DDX5: variants seen among roughly 807,000 people sequenced by gnomAD.
DDX5 encodes the protein probable ATP-dependent RNA helicase DDX5.
In DDX5, 6 loss-of-function variants were observed where a neutral mutation model predicts 68.6. The ratio of observed to expected loss-of-function variants is 0.09; its 90% confidence interval spans 0.05 to 0.17. The LOEUF is 0.17. Among genes scored for constraint, DDX5 ranks in the 10% least tolerant of loss-of-function variants. The probability of loss-of-function intolerance (pLI) is 1.00; values close to 1 mark genes in which losing one functional copy is unlikely to be tolerated. For missense variants in DDX5, 499 were observed against 756.1 expected (o/e 0.66, Z 3.99); for synonymous variants, 350 against 247.0 (o/e 1.42, Z -3.91).
rs782241464 is a variant in DDX5, at chr17:64,499,926, T to C, written c.1842A>G (p.Gln614=). ...ATTTACATATACTTCTAAAGTCTTA[T>C]TGGGAATATCCTGTTGGCATTGGAT... ...IGYPMPTGYS[Q] The change falls in exon 13 of 13, where the codon CAA becomes CAG. Residue 614 remains glutamine, a synonymous_variant. Transcript: ENST00000225792. 6.5e-5 allele frequency: 104 copies of C among 1,589,698 alleles called. No homozygotes were observed. Among genetic ancestry groups the C allele is most frequent in the Admixed American group, 8.7e-5 (5 of 57,608 alleles).
rs1424664575 is a variant in DDX5, at chr17:64,503,689, G to C, written c.507+114C>G. 8 of 1,527,264 alleles carry C rather than the reference G, an allele frequency of 5.2e-6. No homozygotes were observed. In the African/African-American group the frequency reaches 1.1e-4, roughly 21 times the overall value. The allele number at this position is 1,527,264 out of a possible 1,614,324, so 94.6% of individuals were successfully genotyped here. ...TCCAATACCCAAAACAGCTCCAGCT[G>C]AATAGGGTGAGCTAACCTCTATATA... On this transcript the variant is annotated intron_variant, in intron 5 of 12. Coordinates refer to ENST00000225792, the MANE Select transcript of DDX5 (RefSeq NM_004396.5).
intron 8 of DDX5, 148 bp from the exon 9 acceptor site, chr17:64,502,697 C>T: frequency 8.3e-6 from 6 of 726,440 alleles, no homozygotes; most frequent in Non-Finnish European, 8.9e-6. Context: ...TCGAGCAGTT[C>T]GACCCTTGGT....
chr17:64,502,725 G>GA, intron 8 of DDX5, 176 bp from the exon 9 acceptor site: 2 of 713,010 alleles, frequency 2.8e-6, no homozygotes, highest in Non-Finnish European at 4.5e-6. Flanking sequence ...TCAACCAGGG[G>GA]ACACATGAAT....
In DDX5 at chr17:64,504,247, T is replaced by G. The variant is rs2038368748; in HGVS notation, c.282A>C (p.Leu94=). The part of the protein sequence containing the change: ...VRGHNCPKPV[L]NFYEANFPAN... Reference sequence around the variant, plus strand: ...CAGGGAAATTGGCTTCATAAAAATTTAGAACTGGCTTCGGGCAGTTGTGAC... The same window carrying G: ...CAGGGAAATTGGCTTCATAAAAATTGAGAACTGGCTTCGGGCAGTTGTGAC... Residue 94 remains leucine (L), a synonymous_variant, in exon 3 of 13, where the codon CTA becomes CTC. Coordinates refer to ENST00000225792, the MANE Select transcript of DDX5 (RefSeq NM_004396.5). The G allele has an allele frequency of 1.2e-6, 2 of 1,614,162 alleles. No homozygotes were observed. Among genetic ancestry groups the G allele is most frequent in the African/African-American group, 2.7e-5 (2 of 75,052 alleles).
intron 7 of DDX5, 22 bp from the exon 8 acceptor site, chr17:64,503,120 A>G: frequency 6.2e-7 from 1 of 1,611,384 alleles, no homozygotes; most frequent in African/African-American, 1.3e-5. Flanking sequence ...TGGGGGGAAA[A>G]ATTAGTATCA....
chr17:64,505,939 C>G, intron 1 of DDX5, 137 bp downstream of exon 1: 1 of 1,535,142 alleles, frequency 6.5e-7, no homozygotes, highest in Non-Finnish European at 8.7e-7. Flanking sequence ...CAAAATGGCG[C>G]AAGCCTTCGG....
intron 10 of DDX5, 41 bp downstream of exon 10, chr17:64,502,121 G>A: frequency 1.2e-6 from 2 of 1,613,698 alleles, no homozygotes; most frequent in Non-Finnish European, 1.7e-6. Context: ...ATTCTAGCTA[G>A]GTTAAGTAAG....
rs373141390 is a variant in DDX5, at chr17:64,500,664, G to A, written c.1326C>T (p.Tyr442=). ...TTATGTTATTAGGTGTAAAGAAAGT[G>A]TATGCTGTGCCTGTTTTGGTACTGC... is the stretch of plus-strand genomic sequence containing the variant. ...TARSTKTGTA[Y]TFFTPNNIKQ... is the part of the protein sequence containing the mutation. The change falls in exon 12 of 13, where the codon TAC becomes TAT. Residue 442 remains tyrosine (Y), a synonymous_variant. Coordinates refer to ENST00000225792, the MANE Select transcript of DDX5 (RefSeq NM_004396.5). The A allele has an allele frequency of 1.5e-4, 246 of 1,614,092 alleles. 3 individuals are homozygous for A. Among genetic ancestry groups the A allele is most frequent in the South Asian group, 6.4e-4 (58 of 91,092 alleles).
At chr17:64,504,864 T>C (rs782251495) in intron 1 of DDX5, 22 bp from the exon 2 acceptor site, 5 of 1,587,154 alleles carry the variant, frequency 3.2e-6, no homozygotes, top group South Asian at 2.3e-5. Flanking sequence ...AAAAACGTTA[T>C]TCACATTTTC....
chr17:64,506,462 T>A, upstream of DDX5: 1 of 1,232,798 alleles, frequency 8.1e-7, no homozygotes, highest in Non-Finnish European at 1.1e-6. Context: ...CTCTCTCAGG[T>A]CAGGGCCCAC....
At chr17:64,502,581 G>A in intron 8 of DDX5, 32 bp from the exon 9 acceptor site, 1 of 1,520,004 alleles carries the variant, frequency 6.6e-7, no homozygotes, top group Non-Finnish European at 9.1e-7. Context: ...GAAAAATCCT[G>A]AGTTTTAAAA....
At chr17:64,501,006 A>G (rs1310070695) in intron 11 of DDX5, 3 of 565,936 alleles carry the variant, frequency 5.3e-6, no homozygotes, top group Non-Finnish European at 9.4e-6. Flanking sequence ...GACCCTGTCA[A>G]AAGGAATGTG....
At chr17:64,506,608 CAA>C, upstream of DDX5, 1 of 395,258 alleles carries the variant, frequency 2.5e-6, no homozygotes, top group South Asian at 2.8e-5. Flanking sequence ...TTTACGTCTC[CAA>C]AGAGCCCTCA....
chr17:64,505,481 T>C (rs1310903420), intron 1 of DDX5: 1 of 564,050 alleles, frequency 1.8e-6, no homozygotes, highest in Non-Finnish European at 3.2e-6. Context: ...CCGGGCGGCG[T>C]TCCCGCTGGG....
chr17:64,504,606 C>T lies in DDX5; in HGVS notation c.210+71G>A, dbSNP rs1008996893. ...CCAAAATTGAGTTATTTGCAAAACACCTGTCAGAATTTCATTTACTAGAAT... is the reference window on the plus strand; with the variant it reads ...CCAAAATTGAGTTATTTGCAAAACATCTGTCAGAATTTCATTTACTAGAAT... On this transcript the variant is annotated intron_variant, in intron 2 of 12. Transcript: ENST00000225792. 5 of 1,500,384 alleles carry T rather than the reference C, an allele frequency of 3.3e-6. No individual in the cohort carries two copies. The African/African-American group carries it at 4.2e-5, about 13-fold the overall frequency. 92.9% of individuals were successfully genotyped at this position (1,500,384 alleles called of 1,614,324 possible). A position where few individuals can be genotyped will look rare whatever the true frequency, so the allele number is the denominator to read the frequency against.
rs1434256028 is a variant in DDX5 at position 64,499,602 on chromosome 17, A to G, written c.*321T>C. On this transcript the variant is annotated 3_prime_UTR_variant, in exon 13 of 13. Coordinates refer to ENST00000225792, the MANE Select transcript of DDX5 (RefSeq NM_004396.5). ...TTTTACATGACATTATATAAAATAAAGTACAATTTCCACTTAATTCAGTCT... is the reference window on the plus strand; with the variant it reads ...TTTTACATGACATTATATAAAATAAGGTACAATTTCCACTTAATTCAGTCT... The G allele has an allele frequency of 7.5e-6, 2 of 266,868 alleles. No homozygotes were observed. Among genetic ancestry groups the G allele is most frequent in the Non-Finnish European group, 1.4e-5 (2 of 141,966 alleles). The allele number at this position is 266,868 out of a possible 1,614,324, so 16.5% of individuals were successfully genotyped here.
chr17:64,500,862 G>A (rs2038280006), intron 11 of DDX5, 89 bp from the exon 12 acceptor site: 8 of 942,652 alleles, frequency 8.5e-6, no homozygotes, highest in Middle Eastern at 2.5e-4. Flanking sequence ...TTAGACAATT[G>A]TATTCCCAAG....
In DDX5 at chr17:64,502,175, G is replaced by A. The variant is rs1555671203; in HGVS notation, c.1143C>T (p.Asp381=). 3 of 1,613,994 alleles carry A rather than the reference G, an allele frequency of 1.9e-6. No homozygotes were observed. In the African/African-American group the frequency reaches 4.0e-5, roughly 22 times the overall value. Residue 381 remains aspartate (D), a synonymous_variant, in exon 10 of 13, where the codon GAC becomes GAT. Coordinates refer to ENST00000225792, the MANE Select transcript of DDX5 (RefSeq NM_004396.5). ...TGAAATATTTACCATTTAGAACCCAGTCACGCTCTTGTTGACTCTTGTCAC... is the reference window on the plus strand; with the variant it reads ...TGAAATATTTACCATTTAGAACCCAATCACGCTCTTGTTGACTCTTGTCAC... ...IHGDKSQQER[D]WVLNEFKHGK...
rs782064592 is a variant in DDX5 at position 64,504,662 on chromosome 17, C to T, written c.210+15G>A. ...ATCGAGTTACAGCCTGATGAAGCCACATGAATTTACTCACTGCTGTGCGCC... is the reference window on the plus strand; with the variant it reads ...ATCGAGTTACAGCCTGATGAAGCCATATGAATTTACTCACTGCTGTGCGCC... On this transcript the variant is annotated intron_variant, in intron 2 of 12. Transcript: ENST00000225792. The T allele has an allele frequency of 6.3e-7, 1 of 1,595,144 alleles. No individual in the cohort carries two copies. Among genetic ancestry groups the T allele is most frequent in the Non-Finnish European group, 8.5e-7 (1 of 1,173,112 alleles).
Sources: allele counts gnomAD v4.1 joint callset, GRCh38; gene constraint gnomAD v4.1.1; transcripts MANE v1.5; gene names NCBI Gene and HGNC (gene_info 2026-07-23, HGNC 2026-07-21).